FMN2: variants seen among roughly 807,000 people sequenced by gnomAD.
FMN2 encodes formin 2.
In FMN2, 51 loss-of-function variants were observed where a neutral mutation model predicts 142.3. That is an observed-to-expected ratio of 0.36 (90% confidence interval 0.29 to 0.45). The LOEUF is 0.45. Ranked by LOEUF, FMN2 falls within the 20% of genes least tolerant of loss-of-function variation. The probability of loss-of-function intolerance (pLI) is 1.00; values close to 1 mark genes in which losing one functional copy is unlikely to be tolerated. For missense variants in FMN2, 1,936 were observed against 2,122.8 expected (o/e 0.91, Z 1.73); for synonymous variants, 882 against 869.8 (o/e 1.01, Z -0.25).
intron 1 of FMN2, among the ~76,000 whole-genome samples, chr1:240,110,971 A>G (rs899294074): frequency 5.3e-5 from 8 of 152,198 alleles, no homozygotes; most frequent in African/African-American, 1.9e-4. Flanking sequence ...TACTATTTCA[A>G]ATGCTTTTAG....
At chr1:240,141,165 G>A (rs928092121) in intron 2 of FMN2, among the ~76,000 whole-genome samples, 3 of 152,106 alleles carry the variant, frequency 2.0e-5, no homozygotes, top group Non-Finnish European at 2.9e-5. Flanking sequence ...TGACTTCTGG[G>A]TCAGGTGAAT....
intron 15 of FMN2, among the ~76,000 whole-genome samples, chr1:240,413,359 G>C (rs1674478542): frequency 6.6e-6 from 1 of 151,672 alleles, no homozygotes; most frequent in African/African-American, 2.4e-5. Context: ...GGTGAGGAAG[G>C]GTGGGTTAAA....
intron 2 of FMN2, among the ~76,000 whole-genome samples, chr1:240,153,728 G>T (rs1233963774): frequency 6.6e-6 from 1 of 152,030 alleles, no homozygotes; most frequent in Admixed American, 6.6e-5. Flanking sequence ...AGAAAAAGAT[G>T]GAGTTATGAT....
chr1:240,178,230 C>G, intron 3 of FMN2, 162 bp downstream of exon 3: 3 of 766,048 alleles, frequency 3.9e-6, no homozygotes, highest in Non-Finnish European at 3.7e-6. Flanking sequence ...TCTCTTTGTT[C>G]CTTTTGTTGT....
intron 8 of FMN2, among the ~76,000 whole-genome samples, chr1:240,328,291 T>A (rs922691120): frequency 6.6e-6 from 1 of 150,880 alleles, no homozygotes; most frequent in Non-Finnish European, 1.5e-5. Context: ...CATAGTTAAA[T>A]AAATACTTTT....
intron 16 of FMN2, among the ~76,000 whole-genome samples, chr1:240,440,773 T>C (rs1675582167): frequency 2.0e-5 from 3 of 152,140 alleles, no homozygotes; most frequent in Admixed American, 6.5e-5. Context: ...AGGAAAACCA[T>C]TGGTTGGAGT....
chr1:240,407,817 CA>C (rs1334485368), intron 15 of FMN2, among the ~76,000 whole-genome samples: 1 of 152,172 alleles, frequency 6.6e-6, no homozygotes, highest in East Asian at 1.9e-4. Context: ...CATTCCTGGT[CA>C]CAAAGTCTCT....
intron 2 of FMN2, 91 bp from the exon 3 acceptor site, chr1:240,177,830 A>T: frequency 8.8e-7 from 1 of 1,131,186 alleles, no homozygotes; most frequent in Non-Finnish European, 1.2e-6. Flanking sequence ...TAAGTAATTT[A>T]CATAGAAATG....
chr1:240,175,347 A>G (rs1664873077), intron 2 of FMN2, among the ~76,000 whole-genome samples: 1 of 152,186 alleles, frequency 6.6e-6, no homozygotes, highest in African/African-American at 2.4e-5. Context: ...ATATATCCAG[A>G]AGTGTAATTG....
intron 6 of FMN2, among the ~76,000 whole-genome samples, chr1:240,221,744 T>C (rs759125033): frequency 1.4e-4 from 22 of 152,140 alleles, no homozygotes; most frequent in Non-Finnish European, 3.1e-4. Context: ...TTAGATCCCG[T>C]TTGTCAATTT....
intron 1 of FMN2, among the ~76,000 whole-genome samples, chr1:240,104,054 A>AT (rs1432683672): frequency 6.6e-6 from 1 of 150,754 alleles, no homozygotes. Flanking sequence ...TCTTTTTTGT[A>AT]TTTTTAGTAG....
chr1:240,258,439 C>T (rs947791045), intron 7 of FMN2, among the ~76,000 whole-genome samples: 4 of 152,070 alleles, frequency 2.6e-5, no homozygotes, highest in Non-Finnish European at 5.9e-5. Flanking sequence ...TCCATGTATC[C>T]TCAATTGGCA....
chr1:240,340,718 A>T (rs1295126427), intron 13 of FMN2, among the ~76,000 whole-genome samples: 2 of 152,120 alleles, frequency 1.3e-5, no homozygotes, highest in African/African-American at 4.8e-5. Flanking sequence ...AATAATTTTC[A>T]TTCTTTTGTA....
intron 14 of FMN2, among the ~76,000 whole-genome samples, chr1:240,382,511 A>C (rs2103083491): frequency 6.6e-6 from 1 of 152,148 alleles, no homozygotes; most frequent in African/African-American, 2.4e-5. Context: ...AAATACAAAA[A>C]TTAGCCAGGT....
At chr1:240,447,060 C>T (rs145457204) in intron 16 of FMN2, among the ~76,000 whole-genome samples, 226 of 152,278 alleles carry the variant, frequency 1.5e-3, no homozygotes, top group African/African-American at 5.2e-3. Flanking sequence ...CTAGAGGTAT[C>T]GATCCCTACG....
Position 240,093,087 on chromosome 1 carries a change from C to G in FMN2, c.978C>G (p.Pro326=). 2 of 1,394,422 alleles carry G rather than the reference C, an allele frequency of 1.4e-6. No homozygotes were observed. Among genetic ancestry groups the G allele is most frequent in the Non-Finnish European group, 1.8e-6 (2 of 1,083,570 alleles). 86.4% of individuals were successfully genotyped at this position (1,394,422 alleles called of 1,614,324 possible). A position where few individuals can be genotyped will look rare whatever the true frequency, so the allele number is the denominator to read the frequency against. The change falls in exon 1 of 18, where the codon CCC becomes CCG. Residue 326 remains proline, a synonymous_variant. Transcript: ENST00000319653. ...CCTCCTCCACGGCTTTCCCATTTCC[C>G]GAGGCCGGGCCGGGGGAGGAAGCGG... ...DSPSSTAFPF[P]EAGPGEEAAG... is the part of the protein sequence containing the mutation.
intron 2 of FMN2, among the ~76,000 whole-genome samples, chr1:240,133,170 T>C (rs973249657): frequency 1.2e-4 from 19 of 152,146 alleles, no homozygotes; most frequent in African/African-American, 4.6e-4. Context: ...TCATGTTGTT[T>C]TATTTTATTT....
At chr1:240,408,133 G>T (rs1674274956) in intron 15 of FMN2, among the ~76,000 whole-genome samples, 1 of 152,096 alleles carries the variant, frequency 6.6e-6, no homozygotes, top group Non-Finnish European at 1.5e-5. Context: ...GTTTTTGTTT[G>T]TAGTCTTGAC....
rs547438686 is a variant in FMN2 at position 240,122,075 on chromosome 1, A to AATTAATTAATTAATTT, written c.1616-1101_1616-1100insAATTAATTAATTTATT. 3.6e-3 allele frequency among the ~76,000 whole-genome samples: 534 copies of AATTAATTAATTAATTT among 146,678 alleles called. 2 individuals carry two copies. The highest frequency in any genetic ancestry group is 0.012 in the African/African-American group (486 of 40,298). ...CTTTTGGATCCAAAATTAATTAATT[A>AATTAATTAATTAATTT]ATTTATTTATTTATTTATGAATTAT... On this transcript the variant is annotated intron_variant, in intron 1 of 17. Transcript: ENST00000319653.
Sources: gnomAD v4.1 joint callset for allele counts (sites outside exome capture counted in the v4.1 genomes callset) on GRCh38, gnomAD v4.1.1 for gene constraint, MANE v1.5 for transcripts, NCBI Gene and HGNC (gene_info 2026-07-23, HGNC 2026-07-21) for gene names.